The following DPP6 variants were observed in gnomAD, a reference collection of about 807,000 sequenced individuals.
DPP6 encodes A-type potassium channel modulatory protein DPP6.
DPP6 carries 69 observed loss-of-function variants against 122.6 expected under a neutral mutation model. The observed-to-expected ratio is 0.56, with a 90% CI of 0.46 to 0.69. The LOEUF (loss-of-function observed/expected upper bound fraction) is 0.69, where lower values mean the gene tolerates loss of function less well. Ranked by LOEUF, DPP6 falls within the 30% of genes least tolerant of loss-of-function variation. The probability of loss-of-function intolerance (pLI) is 0.00; values close to 1 mark genes in which losing one functional copy is unlikely to be tolerated. For synonymous variants in DPP6, 418 were observed against 433.1 expected (o/e 0.97, Z 0.43); for missense variants, 928 against 1,116.9 (o/e 0.83, Z 2.41).
At chr7:154,050,703 C>T (rs1800255873), upstream of DPP6, among the ~76,000 whole-genome samples, 1 of 151,210 alleles carries the variant, frequency 6.6e-6, no homozygotes, top group Non-Finnish European at 1.5e-5. Flanking sequence ...TGAAGCTCTC[C>T]CCACCCCAGA....
At chr7:154,260,955 G>T (rs183552873) in intron 1 of DPP6, among the ~76,000 whole-genome samples, 1 of 152,046 alleles carries the variant, frequency 6.6e-6, no homozygotes, top group East Asian at 1.9e-4. Context: ...GAGTGCAATG[G>T]TGTGATCTCA....
chr7:154,382,161 G>A (rs1311050993), intron 1 of DPP6, among the ~76,000 whole-genome samples: 3 of 149,738 alleles, frequency 2.0e-5, no homozygotes, highest in African/African-American at 4.9e-5. Context: ...TTGCTTGCGA[G>A]TGACTCCCTC....
At chr7:154,802,356 G>A (rs1408783067) in intron 13 of DPP6, among the ~76,000 whole-genome samples, 1 of 68,302 alleles carries the variant, frequency 1.5e-5, no homozygotes, top group East Asian at 7.4e-4. Context: ...TGGGGGCTGC[G>A]GGACCCCTGG....
At chr7:154,305,716 T>G (rs541762870) in intron 1 of DPP6, among the ~76,000 whole-genome samples, 1 of 152,244 alleles carries the variant, frequency 6.6e-6, no homozygotes, top group South Asian at 2.1e-4. Flanking sequence ...GCCACCAAGC[T>G]GGGAGGAGAC....
At chr7:154,183,580 C>CTTCCTTCCTCCCCTCCTCCT (rs1554485295) in intron 1 of DPP6, among the ~76,000 whole-genome samples, 1 of 152,182 alleles carries the variant, frequency 6.6e-6, no homozygotes, top group African/African-American at 2.4e-5. Context: ...ACTAGGGCGT[C>CTTCCTTCCTCCCCTCCTCCT]TTCCTTCCTC....
intron 1 of DPP6, among the ~76,000 whole-genome samples, chr7:154,420,616 A>G (rs537180609): frequency 3.3e-4 from 50 of 152,174 alleles, no homozygotes; most frequent in Non-Finnish European, 4.9e-4. Flanking sequence ...GACAGGAGGA[A>G]TAAGTTTTGG....
At chr7:153,943,427 C>T (rs949153375) in intron 1 of DPP6, among the ~76,000 whole-genome samples, 17 of 152,204 alleles carry the variant, frequency 1.1e-4, no homozygotes, top group Admixed American at 2.0e-4. Context: ...TAAAGGACTT[C>T]CAGTCCAAAT....
intron 1 of DPP6, among the ~76,000 whole-genome samples, chr7:154,387,690 C>T (rs112599016): frequency 3.3e-5 from 5 of 152,206 alleles, no homozygotes; most frequent in African/African-American, 9.6e-5. Context: ...CAGCCTCCCC[C>T]CAACCGAGCC....
At chr7:153,853,993 T>C in the DPP6 span, among the ~76,000 whole-genome samples, 2 of 148,628 alleles carry the variant, frequency 1.3e-5, no homozygotes, top group African/African-American at 5.0e-5. Context: ...AACGTTTAAA[T>C]CTTTAATCCA....
chr7:153,771,239 C>A, the DPP6 span, among the ~76,000 whole-genome samples: 1,605 of 152,182 alleles, frequency 0.011, 15 homozygotes, highest in Non-Finnish European at 0.017. Context: ...CAAAGGCACC[C>A]ACAGGGAAAA....
intron 1 of DPP6, among the ~76,000 whole-genome samples, chr7:154,041,908 G>A (rs907418230): frequency 2.8e-4 from 43 of 152,116 alleles, no homozygotes; most frequent in Non-Finnish European, 4.0e-4. Context: ...ACAGTCATAC[G>A]CCACCAGGTC....
At chr7:154,053,118 A>T in intron 1 of DPP6, 55 bp downstream of exon 1, 1 of 999,000 alleles carries the variant, frequency 1.0e-6, no homozygotes, top group Non-Finnish European at 1.2e-6. Context: ...CTGAGCGCGC[A>T]GCGAGACGCG....
At chr7:154,020,502 G>T (rs960331060) in intron 1 of DPP6, among the ~76,000 whole-genome samples, 7 of 151,948 alleles carry the variant, frequency 4.6e-5, no homozygotes, top group African/African-American at 1.7e-4. Context: ...AGTCAGAGTT[G>T]GGACCAGGTC....
chr7:154,025,305 GGA>G lies in DPP6; in HGVS notation c.51+137574_51+137575del, dbSNP rs1181130654. Among the ~76,000 whole-genome samples, 366 of 134,844 alleles carry G rather than the reference GGA, an allele frequency of 2.7e-3. 3 individuals are homozygous for G. Among genetic ancestry groups the G allele is most frequent in the African/African-American group, 9.8e-3 (340 of 34,742 alleles). 88.5% of individuals were successfully genotyped at this position (134,844 alleles called of 152,430 possible). A position where few individuals can be genotyped will look rare whatever the true frequency, so the allele number is the denominator to read the frequency against. Reference sequence around the variant, plus strand: ...TATGTTGAATTGGAAAGAGGAGAAGGGAGATGAAGAGAAATAGGGTAGGGGGA... The same window carrying G: ...TATGTTGAATTGGAAAGAGGAGAAGGGATGAAGAGAAATAGGGTAGGGGGA... On this transcript the variant is annotated intron_variant, in intron 1 of 25. Coordinates refer to the DPP6 transcript ENST00000404039.
the DPP6 span, among the ~76,000 whole-genome samples, chr7:153,848,045 G>T: frequency 6.6e-6 from 1 of 152,186 alleles, no homozygotes; most frequent in African/African-American, 2.4e-5. Context: ...AGCGACGGAT[G>T]AAAAAATGTA....
chr7:154,042,587 AGTTAGATATGACCAATACGAT>A (rs1465571462), intron 1 of DPP6, among the ~76,000 whole-genome samples: 3 of 152,186 alleles, frequency 2.0e-5, no homozygotes, highest in Non-Finnish European at 4.4e-5. Flanking sequence ...TGCCAAGAGA[AGTTAGATATGACCAATACGAT>A]GAAGGGAAAT....
At chr7:154,845,132 T>C (rs894093744) in intron 16 of DPP6, among the ~76,000 whole-genome samples, 2 of 152,218 alleles carry the variant, frequency 1.3e-5, no homozygotes, top group Admixed American at 1.3e-4. Context: ...AGGTCATTCA[T>C]TCATTAACCA....
intron 1 of DPP6, among the ~76,000 whole-genome samples, chr7:154,082,104 G>A (rs1426860906): frequency 2.0e-5 from 3 of 152,138 alleles, no homozygotes; most frequent in East Asian, 1.9e-4. Context: ...CAGGGGCAGC[G>A]GGTTCCATCG....
intron 21 of DPP6, among the ~76,000 whole-genome samples, chr7:154,883,117 G>A (rs62472994): frequency 0.34 from 48,667 of 142,180 alleles, 8,135 homozygotes; most frequent in East Asian, 0.53. Flanking sequence ...TCACATACAT[G>A]TGCTCACACA....
Sources: allele counts gnomAD v4.1 joint callset (sites outside exome capture counted in the v4.1 genomes callset), GRCh38; gene constraint gnomAD v4.1.1; transcripts MANE v1.5; gene names NCBI Gene and HGNC (gene_info 2026-07-23, HGNC 2026-07-21).